The following ELP4 variants were observed in gnomAD, a reference collection of about 807,000 sequenced individuals.
The protein encoded by ELP4 is elongator complex protein 4.
ELP4 carries 51 observed loss-of-function variants against 48.9 expected under a neutral mutation model. The ratio of observed to expected loss-of-function variants is 1.04; its 90% CI spans 0.83 to 1.32. ELP4 has a LOEUF of 1.32. ELP4 is among the 40% of genes most tolerant of loss of function. ELP4 has a pLI of 0.00. For synonymous variants in ELP4, 210 were observed against 189.2 expected, an observed-to-expected ratio of 1.11 and a Z score of -0.90; for missense variants, 519 against 514.6, an observed-to-expected ratio of 1.01 and a Z score of -0.08.
chr11:31,736,757 C>A (rs1368315208), intron 9 of ELP4, among the ~76,000 whole-genome samples: 2 of 152,156 alleles, frequency 1.3e-5, no homozygotes, highest in Non-Finnish European at 2.9e-5. Flanking sequence ...CAGAGAAATG[C>A]AAATCAAAAC....
chr11:31,634,769 A>G (rs1302482961), intron 7 of ELP4, among the ~76,000 whole-genome samples: 1 of 152,064 alleles, frequency 6.6e-6, no homozygotes, highest in Non-Finnish European at 1.5e-5. Context: ...GCTTCTTAAC[A>G]TAGCAGTAAA....
intron 9 of ELP4, chr11:31,652,108 G>T (rs1400170099): frequency 1.3e-5 from 2 of 151,642 alleles, no homozygotes; most frequent in African/African-American, 2.4e-5. Flanking sequence ...TCAACCTGTG[G>T]TTTAGAAGCA....
chr11:31,697,723 T>G (rs1219808410), intron 9 of ELP4, among the ~76,000 whole-genome samples: 3 of 152,234 alleles, frequency 2.0e-5, no homozygotes, highest in South Asian at 2.1e-4. Flanking sequence ...TAAACTTGTT[T>G]CTGTCTAAAA....
At chr11:31,644,736 A>G (rs1230794259) in intron 7 of ELP4, among the ~76,000 whole-genome samples, 2 of 151,812 alleles carry the variant, frequency 1.3e-5, no homozygotes, top group African/African-American at 4.8e-5. Context: ...TTAAGGTAAG[A>G]TTACATCAAT....
intron 5 of ELP4, among the ~76,000 whole-genome samples, chr11:31,609,698 G>A (rs1190005316): frequency 1.3e-5 from 2 of 152,060 alleles, no homozygotes; most frequent in Non-Finnish European, 2.9e-5. Flanking sequence ...AAGACTTTTA[G>A]ATTGAAAAGC....
chr11:31,520,716 T>C (rs1404920561), intron 2 of ELP4, among the ~76,000 whole-genome samples: 1 of 151,774 alleles, frequency 6.6e-6, no homozygotes, highest in East Asian at 1.9e-4. Context: ...TCCTCTGATA[T>C]AATATAAATT....
chr11:31,789,747 T>C lies in ELP4; in HGVS notation c.*6223T>C, dbSNP rs758658941. On this transcript the variant is annotated 3_prime_UTR_variant, in exon 10 of 10. Coordinates refer to ENST00000640961, the MANE Select transcript of ELP4 (RefSeq NM_019040.5). ...TTGTTCCAACTGATATCGTGCCTTC[T>C]GTATACAAAGGTCCTTGTTTCAAGT... 1.5e-5 allele frequency: 11 copies of C among 710,218 alleles called. No individual in the cohort carries two copies. Among genetic ancestry groups the C allele is most frequent in the South Asian group, 1.0e-4 (7 of 67,660 alleles). 44.0% of individuals were successfully genotyped at this position (710,218 alleles called of 1,614,324 possible).
At chr11:31,736,083 A>G (rs888970352) in intron 9 of ELP4, among the ~76,000 whole-genome samples, 1 of 152,208 alleles carries the variant, frequency 6.6e-6, no homozygotes, top group Non-Finnish European at 1.5e-5. Flanking sequence ...CTATACTACA[A>G]GGCTACAGTA....
intron 9 of ELP4, among the ~76,000 whole-genome samples, chr11:31,675,512 C>G (rs1026552620): frequency 1.3e-5 from 2 of 152,092 alleles, no homozygotes; most frequent in Non-Finnish European, 2.9e-5. Flanking sequence ...CCGCCCGCCT[C>G]GGCCTCCCAA....
At chr11:31,684,262 A>C (rs1291457654) in intron 9 of ELP4, among the ~76,000 whole-genome samples, 1 of 151,914 alleles carries the variant, frequency 6.6e-6, no homozygotes, top group Admixed American at 6.6e-5. Flanking sequence ...GCTGGAGTGC[A>C]GTGGATCAAT....
At chr11:31,663,802 G>T (rs191782647) in intron 9 of ELP4, 1 of 152,078 alleles carries the variant, frequency 6.6e-6, no homozygotes. Context: ...TAAGCTATAG[G>T]ATGCTGTAGT....
chr11:31,669,431 A>C (rs1410010808), intron 9 of ELP4, among the ~76,000 whole-genome samples: 1 of 152,090 alleles, frequency 6.6e-6, no homozygotes, highest in Non-Finnish European at 1.5e-5. Context: ...GCAATAGATC[A>C]ATCTTGCTCT....
chr11:31,639,525 T>C (rs1044017323), intron 7 of ELP4, among the ~76,000 whole-genome samples: 2 of 150,960 alleles, frequency 1.3e-5, no homozygotes, highest in African/African-American at 2.5e-5. Context: ...ACATCATAGC[T>C]TGTGTGCGTT....
intron 9 of ELP4, among the ~76,000 whole-genome samples, chr11:31,681,479 A>G (rs1422751541): frequency 6.6e-6 from 1 of 152,226 alleles, no homozygotes; most frequent in African/African-American, 2.4e-5. Flanking sequence ...ATACAGTTGT[A>G]GAAGAGATTA....
chr11:31,587,449 A>G (rs1440275193), intron 3 of ELP4, among the ~76,000 whole-genome samples: 1 of 152,166 alleles, frequency 6.6e-6, no homozygotes, highest in Non-Finnish European at 1.5e-5. Context: ...GGAAAGAGAA[A>G]TTGATTTTGT....
intron 2 of ELP4, among the ~76,000 whole-genome samples, chr11:31,528,233 C>G (rs565966597): frequency 3.4e-4 from 51 of 152,106 alleles, no homozygotes; most frequent in Admixed American, 9.8e-4. Flanking sequence ...ACTCTATAAC[C>G]ATGGGAGCCA....
chr11:31,513,127 T>C (rs1243579755), intron 1 of ELP4, among the ~76,000 whole-genome samples: 1 of 152,158 alleles, frequency 6.6e-6, no homozygotes, highest in Non-Finnish European at 1.5e-5. Context: ...ATAATATACA[T>C]TGAGCTTGGA....
intron 9 of ELP4, among the ~76,000 whole-genome samples, chr11:31,691,684 T>C (rs905091933): frequency 6.6e-6 from 1 of 152,194 alleles, no homozygotes; most frequent in South Asian, 2.1e-4. Flanking sequence ...CTTGTTTAAC[T>C]AAAGGACATA....
rs138881442 is a variant in ELP4, at chr11:31,787,237, A to G, written c.*3713A>G. The G allele has an allele frequency of 8.6e-6, 2 of 232,704 alleles. No individual in the cohort carries two copies. Among genetic ancestry groups the G allele is most frequent in the Admixed American group, 5.6e-5 (1 of 17,768 alleles). 14.4% of individuals were successfully genotyped at this position (232,704 alleles called of 1,614,324 possible). A position where few individuals can be genotyped will look rare whatever the true frequency, so the allele number is the denominator to read the frequency against. On this transcript the variant is annotated 3_prime_UTR_variant, in exon 10 of 10. Transcript: ENST00000640961. Reference sequence around the variant, plus strand: ...TGCAGCTGAGCAGCCGCTTCTTCAGACTATACCAGACTGTGCTACTTTGCC... The same window carrying G: ...TGCAGCTGAGCAGCCGCTTCTTCAGGCTATACCAGACTGTGCTACTTTGCC...
Sources: gnomAD v4.1 joint callset for allele counts (sites outside exome capture counted in the v4.1 genomes callset) on GRCh38, gnomAD v4.1.1 for gene constraint, MANE v1.5 for transcripts, NCBI Gene and HGNC (gene_info 2026-07-23, HGNC 2026-07-21) for gene names.